Variants in GXYLT2 observed in about 807,000 individuals in gnomAD.
GXYLT2 encodes the protein glycosyltransferase 8 domain containing 4.
A neutral mutation model predicts 45.8 loss-of-function variants in GXYLT2; 53 were observed. The ratio of observed to expected loss-of-function variants is 1.16; its 90% confidence interval spans 0.93 to 1.46. The LOEUF is 1.46. Ranked by LOEUF, GXYLT2 falls within the 40% of genes most tolerant of loss-of-function variation. The pLI, the probability that GXYLT2 is intolerant of heterozygous loss-of-function variation, is 0.00. For missense variants in GXYLT2, 551 were observed against 544.4 expected, an observed-to-expected ratio of 1.01 and a Z score of -0.12; for synonymous variants, 219 against 214.2, an observed-to-expected ratio of 1.02 and a Z score of -0.19.
intron 1 of GXYLT2, among the ~76,000 whole-genome samples, chr3:72,903,526 T>G (rs1709445985): frequency 6.6e-6 from 1 of 152,202 alleles, no homozygotes; most frequent in Non-Finnish European, 1.5e-5. Flanking sequence ...TGTGTTAATA[T>G]GCAGACTCCA....
At chr3:72,974,946 CTAAA>C (rs1470363831) in intron 6 of GXYLT2, 27 bp from the exon 7 acceptor site, 3 of 1,494,480 alleles carry the variant, frequency 2.0e-6, no homozygotes, top group Non-Finnish European at 2.7e-6. Context: ...ATTTCCGTTA[CTAAA>C]TAAACTTTTT....
intron 4 of GXYLT2, 132 bp from the exon 5 acceptor site, chr3:72,957,096 GA>G: frequency 1.1e-6 from 1 of 917,498 alleles, no homozygotes; most frequent in Non-Finnish European, 1.6e-6. Flanking sequence ...TCTGTGACCT[GA>G]GAATAGCAGG....
chr3:72,967,538 T>C lies in GXYLT2; in HGVS notation c.977-9T>C, dbSNP rs1298491745. 6.2e-7 allele frequency: 1 copy of C among 1,611,412 alleles called. No homozygotes were observed. The highest frequency in any genetic ancestry group is 1.3e-5 in the African/African-American group (1 of 74,892). The stretch of plus-strand genomic sequence containing the variant: ...GTGGACATATATGTCTTTCTCTTTT[T>C]ACCACCAGAGTGTCTCTATGTATTC... On this transcript the variant is annotated splice_polypyrimidine_tract_variant and intron_variant, in intron 5 of 6. Transcript: ENST00000389617.
At chr3:72,963,628 G>A (rs938103620) in intron 5 of GXYLT2, among the ~76,000 whole-genome samples, 8 of 149,836 alleles carry the variant, frequency 5.3e-5, no homozygotes, top group Admixed American at 4.7e-4. Context: ...TTAGCCTCCT[G>A]AGTAGCTGGG....
chr3:72,929,743 C>A, intron 3 of GXYLT2: 2 of 557,070 alleles, frequency 3.6e-6, no homozygotes, highest in Non-Finnish European at 6.4e-6. Flanking sequence ...CAAAATAAAG[C>A]AGAAAAGAAA....
intron 3 of GXYLT2, among the ~76,000 whole-genome samples, chr3:72,947,230 T>G (rs528594949): frequency 6.6e-6 from 1 of 152,270 alleles, no homozygotes; most frequent in Admixed American, 6.5e-5. Context: ...AAACAAATAT[T>G]TAAGCGCATC....
At chr3:72,950,942 C>T (rs1292132752) in intron 3 of GXYLT2, among the ~76,000 whole-genome samples, 1 of 152,124 alleles carries the variant, frequency 6.6e-6, no homozygotes, top group Non-Finnish European at 1.5e-5. Flanking sequence ...TACATTATAG[C>T]CAGCAGCATC....
chr3:72,970,818 T>C (rs1559754292), intron 6 of GXYLT2, among the ~76,000 whole-genome samples: 1 of 151,512 alleles, frequency 6.6e-6, no homozygotes, highest in Non-Finnish European at 1.5e-5. Flanking sequence ...GCCAAGATCA[T>C]GCCATTGCAC....
At chr3:72,963,972 G>A (rs945519405) in intron 5 of GXYLT2, among the ~76,000 whole-genome samples, 1 of 151,740 alleles carries the variant, frequency 6.6e-6, no homozygotes, top group African/African-American at 2.4e-5. Context: ...ACCATACCCG[G>A]ACAAATTTTT....
intron 4 of GXYLT2, 50 bp downstream of exon 4, chr3:72,955,399 G>T (rs1448940569): frequency 6.3e-7 from 1 of 1,585,522 alleles, no homozygotes. Flanking sequence ...AGTTGGTCTT[G>T]TCAACAGTGG....
At chr3:72,934,010 A>G (rs1710129534) in intron 3 of GXYLT2, among the ~76,000 whole-genome samples, 2 of 152,168 alleles carry the variant, frequency 1.3e-5, no homozygotes, top group South Asian at 4.1e-4. Flanking sequence ...GATGGCAAGG[A>G]AATTATTTGT....
intron 3 of GXYLT2, among the ~76,000 whole-genome samples, chr3:72,946,998 C>T (rs4420810): frequency 0.83 from 126,292 of 151,682 alleles, 52,877 homozygotes; most frequent in East Asian, 0.93. Context: ...TACTTTATTA[C>T]TATTATTGCT....
chr3:72,960,858 A>G (rs1710755533), intron 5 of GXYLT2, among the ~76,000 whole-genome samples: 2 of 152,214 alleles, frequency 1.3e-5, no homozygotes, highest in Non-Finnish European at 2.9e-5. Context: ...AGTATTGGCC[A>G]CGGCACAGCA....
At chr3:72,967,975 T>C (rs1383764808) in intron 6 of GXYLT2, among the ~76,000 whole-genome samples, 1 of 152,120 alleles carries the variant, frequency 6.6e-6, no homozygotes, top group South Asian at 2.1e-4. Context: ...AATTTCTGTT[T>C]TTTGTTTTTG....
At chr3:72,950,905 G>A (rs1710510808) in intron 3 of GXYLT2, among the ~76,000 whole-genome samples, 1 of 152,196 alleles carries the variant, frequency 6.6e-6, no homozygotes, top group Non-Finnish European at 1.5e-5. Flanking sequence ...TTAGGGTGGT[G>A]CATGGAGCAG....
chr3:72,888,294 G>C lies in GXYLT2; in HGVS notation c.61G>C (p.Ala21Pro). 1.0e-6 allele frequency: 1 copy of C among 993,996 alleles called. No homozygotes were observed. Among genetic ancestry groups the C allele is most frequent in the Non-Finnish European group, 1.2e-6 (1 of 838,090 alleles). 61.6% of individuals were successfully genotyped at this position (993,996 alleles called of 1,614,324 possible). A position where few individuals can be genotyped will look rare whatever the true frequency, so the allele number is the denominator to read the frequency against. The change falls in exon 1 of 7, where the codon GCG (alanine) becomes CCG (proline). Residue 21 changes from alanine (A) to proline (P), a missense_variant. Transcript: ENST00000389617. The stretch of plus-strand genomic sequence containing the variant: ...GCTCGCGCTGGCCGCGCTGCTGCTG[G>C]CGCTGCTGTCCCTGCGCGCTGGCCG... Reference protein sequence around the residue: ...LLLALAALLLALLSLRAGRAE... With the variant: ...LLLALAALLLPLLSLRAGRAE...
chr3:72,928,433 C>T lies in GXYLT2; in HGVS notation c.600+6098C>T, dbSNP rs1280244824. On this transcript the variant is annotated intron_variant, in intron 3 of 6. Coordinates refer to ENST00000389617, the MANE Select transcript of GXYLT2 (RefSeq NM_001080393.2). Reference sequence around the variant, plus strand: ...AGTTCATTCAAGAACACAGGGATTCCTCTCTCTCCAGCTCCCAGTTGAGGA... The same window carrying T: ...AGTTCATTCAAGAACACAGGGATTCTTCTCTCTCCAGCTCCCAGTTGAGGA... Among the ~76,000 whole-genome samples, 6 of 152,170 alleles carry T rather than the reference C, an allele frequency of 3.9e-5. No homozygotes were observed. The East Asian group carries it at 1.2e-3, about 29-fold the overall frequency.
chr3:72,960,505 C>T (rs1287286516), intron 5 of GXYLT2, among the ~76,000 whole-genome samples: 2 of 152,204 alleles, frequency 1.3e-5, no homozygotes, highest in Non-Finnish European at 2.9e-5. Context: ...ATCTGAGATC[C>T]ATTGAGTAAA....
At chr3:72,967,441 AAATT>A in intron 5 of GXYLT2, 102 bp from the exon 6 acceptor site, 1 of 849,396 alleles carries the variant, frequency 1.2e-6, no homozygotes, top group South Asian at 1.9e-5. Context: ...CTGTACTTTG[AAATT>A]ACATGCTGTG....
Sources: gnomAD v4.1 joint callset for allele counts (sites outside exome capture counted in the v4.1 genomes callset) on GRCh38, gnomAD v4.1.1 for gene constraint, MANE v1.5 for transcripts, NCBI Gene and HGNC (gene_info 2026-07-23, HGNC 2026-07-21) for gene names.